The following KIAA1217 variants were observed in gnomAD, a reference collection of about 807,000 sequenced individuals.
KIAA1217 encodes the protein sickle tail protein homolog.
KIAA1217 carries 88 observed loss-of-function variants against 163.9 expected under a neutral mutation model. The ratio of observed to expected loss-of-function variants is 0.54; its 90% CI spans 0.45 to 0.64. The LOEUF is 0.64. Ranked by LOEUF, KIAA1217 falls within the 30% of genes least tolerant of loss-of-function variation. The pLI, the probability that KIAA1217 is intolerant of heterozygous loss-of-function variation, is 0.00. For synonymous variants in KIAA1217, 903 were observed against 923.1 expected, an observed-to-expected ratio of 0.98 and a Z score of 0.39; for missense variants, 2,372 against 2,475.0, an observed-to-expected ratio of 0.96 and a Z score of 0.88.
intron 1 of KIAA1217, among the ~76,000 whole-genome samples, chr10:23,805,996 C>CAAAAAAAAAAAAA (rs71397917): frequency 3.6e-3 from 111 of 30,506 alleles, no homozygotes; most frequent in Middle Eastern, 0.031. Context: ...AACTCCATCT[C>CAAAAAAAAAAAAA]AAAAAAAAAA....
At chr10:24,432,163 G>T (rs1016448952) in intron 3 of KIAA1217, among the ~76,000 whole-genome samples, 1 of 121,794 alleles carries the variant, frequency 8.2e-6, no homozygotes. Flanking sequence ...TTACTCTATC[G>T]CCCAGGCTGG....
rs541591275 is a variant in KIAA1217, at chr10:23,728,978, C to T, written c.-321+33744C>T. Among the ~76,000 whole-genome samples, 4 of 152,306 alleles carry T rather than the reference C, an allele frequency of 2.6e-5. No homozygotes were observed. The South Asian group carries it at 6.2e-4, about 24-fold the overall frequency. ...TTCACCCCTTCCCCCACTCCCAACC[C>T]GACTGACCTTTTTACTGTCTCCATA... On this transcript the variant is annotated intron_variant, in intron 1 of 18. Coordinates refer to the KIAA1217 transcript ENST00000376462.
intron 1 of KIAA1217, among the ~76,000 whole-genome samples, chr10:23,821,104 CGT>C (rs3072739): frequency 0.056 from 8,041 of 142,614 alleles, 538 homozygotes; most frequent in African/African-American, 0.16. Context: ...TGTGTGTGTG[CGT>C]GTGTGTGTGT....
Position 24,544,231 on chromosome 10 carries a change from G to C in KIAA1217, c.4961G>C (p.Arg1654Thr). Residue 1654 changes from arginine (R) to threonine (T), a missense_variant, in exon 19 of 21, where the codon AGA becomes ACA. Arg to Thr is a moderately conservative substitution (Grantham distance 71). Coordinates refer to ENST00000376454, the MANE Select transcript of KIAA1217 (RefSeq NM_019590.5). ...ATCGAGAGTACATCTCCGATTTCAA[G>C]AACTGATGAAATTAGAAAAAACACC... The part of the protein sequence containing the change: ...PSIESTSPIS[R>T]TDEIRKNTYR... The C allele has an allele frequency of 6.2e-7, 1 of 1,614,112 alleles. No individual in the cohort carries two copies. The highest frequency in any genetic ancestry group is 8.5e-7 in the Non-Finnish European group (1 of 1,180,024).
intron 2 of KIAA1217, among the ~76,000 whole-genome samples, chr10:24,028,216 G>A (rs1337528356): frequency 1.3e-5 from 2 of 152,022 alleles, no homozygotes; most frequent in Admixed American, 6.6e-5. Flanking sequence ...TATGGGAAAG[G>A]GTGGGTTATG....
chr10:24,251,457 G>T (rs185061054), intron 2 of KIAA1217, among the ~76,000 whole-genome samples: 1 of 150,224 alleles, frequency 6.7e-6, no homozygotes, highest in African/African-American at 2.4e-5. Context: ...ACAGATCAGA[G>T]GCCCTGGCCT....
intron 2 of KIAA1217, among the ~76,000 whole-genome samples, chr10:24,224,134 A>G (rs2070107710): frequency 6.6e-6 from 1 of 152,172 alleles, no homozygotes; most frequent in Admixed American, 6.5e-5. Context: ...ATTGCAACAT[A>G]ATGCTGATCT....
intron 1 of KIAA1217, among the ~76,000 whole-genome samples, chr10:23,967,487 T>A (rs1008627059): frequency 1.3e-5 from 2 of 152,140 alleles, no homozygotes; most frequent in African/African-American, 4.8e-5. Flanking sequence ...GAAAAAGAAA[T>A]ACAAATGGCC....
intron 2 of KIAA1217, among the ~76,000 whole-genome samples, chr10:24,321,658 C>T (rs2044176444): frequency 1.3e-5 from 2 of 152,134 alleles, no homozygotes; most frequent in South Asian, 4.1e-4. Context: ...GTGAACTAAG[C>T]CAGTCACCAA....
intron 2 of KIAA1217, among the ~76,000 whole-genome samples, chr10:24,231,614 A>T (rs2071423220): frequency 6.6e-6 from 1 of 152,200 alleles, no homozygotes; most frequent in Admixed American, 6.5e-5. Flanking sequence ...GAAAATCAGG[A>T]TGTGGTCAAT....
At chr10:23,938,408 C>T (rs1482274307) in intron 1 of KIAA1217, among the ~76,000 whole-genome samples, 2 of 151,830 alleles carry the variant, frequency 1.3e-5, no homozygotes, top group East Asian at 1.9e-4. Flanking sequence ...AAAGCTCGTA[C>T]ATAGGTAAGT....
intron 1 of KIAA1217, among the ~76,000 whole-genome samples, chr10:23,789,450 T>C (rs1835640830): frequency 1.3e-5 from 2 of 152,192 alleles, no homozygotes; most frequent in South Asian, 2.1e-4. Context: ...TGCAGCCTTA[T>C]ACCACCTGAA....
chr10:24,152,358 A>G (rs1320294218), intron 2 of KIAA1217, among the ~76,000 whole-genome samples: 1 of 152,210 alleles, frequency 6.6e-6, no homozygotes, highest in Non-Finnish European at 1.5e-5. Flanking sequence ...CGCCTGTTTT[A>G]TCTCCATTTC....
At chr10:23,752,215 G>A (rs1008151448) in intron 1 of KIAA1217, among the ~76,000 whole-genome samples, 19 of 152,150 alleles carry the variant, frequency 1.2e-4, no homozygotes, top group Admixed American at 3.3e-4. Flanking sequence ...TTGGAATTTC[G>A]CTAATTAGCG....
chr10:23,946,337 C>T (rs1844043271), intron 1 of KIAA1217, among the ~76,000 whole-genome samples: 1 of 147,906 alleles, frequency 6.8e-6, no homozygotes, highest in Non-Finnish European at 1.5e-5. Flanking sequence ...AGCTATTTGG[C>T]ATATAGGAAA....
chr10:24,226,462 TAA>T (rs570681774), intron 2 of KIAA1217, among the ~76,000 whole-genome samples: 2 of 141,880 alleles, frequency 1.4e-5, no homozygotes, highest in South Asian at 4.5e-4. Flanking sequence ...CCGTCTCTAC[TAA>T]AAAAAAAAAA....
At chr10:24,317,219 A>C (rs116062180) in intron 2 of KIAA1217, among the ~76,000 whole-genome samples, 1 of 152,324 alleles carries the variant, frequency 6.6e-6, no homozygotes, top group African/African-American at 2.4e-5. Context: ...GTGCTGATAC[A>C]TAAATAAACC....
chr10:23,736,223 A>AT (rs1239037750), intron 1 of KIAA1217, among the ~76,000 whole-genome samples: 1 of 152,126 alleles, frequency 6.6e-6, no homozygotes, highest in African/African-American at 2.4e-5. Context: ...GTATGTTTAA[A>AT]TTTTTTAGGT....
At chr10:24,326,458 G>A (rs2044910444) in intron 2 of KIAA1217, among the ~76,000 whole-genome samples, 11 of 152,044 alleles carry the variant, frequency 7.2e-5, no homozygotes, top group Admixed American at 7.2e-4. Flanking sequence ...AGCCTAGTTG[G>A]AGAATAAATG....
Sources: allele counts gnomAD v4.1 joint callset (sites outside exome capture counted in the v4.1 genomes callset), GRCh38; gene constraint gnomAD v4.1.1; transcripts MANE v1.5; gene names NCBI Gene and HGNC (gene_info 2026-07-23, HGNC 2026-07-21).